GRAMD1C: variants seen among roughly 807,000 people sequenced by gnomAD.
GRAMD1C encodes the protein GRAM domain containing 1C.
GRAMD1C carries 89 observed loss-of-function variants against 97.8 expected under a neutral mutation model. That is an observed-to-expected ratio of 0.91 (90% CI 0.77 to 1.09). GRAMD1C has a LOEUF of 1.09. GRAMD1C is among the 50% of genes least tolerant of loss of function. GRAMD1C has a pLI of 0.00. For synonymous variants in GRAMD1C, 256 were observed against 267.0 expected (o/e 0.96, Z 0.40); for missense variants, 740 against 766.4 (o/e 0.97, Z 0.41).
chr3:113,915,866 T>G, intron 10 of GRAMD1C, 28 bp downstream of exon 10: 1 of 1,535,804 alleles, frequency 6.5e-7, no homozygotes, highest in South Asian at 1.1e-5. Flanking sequence ...TACCTAATGA[T>G]AAATTTGGGA....
Position 113,875,503 on chromosome 3 carries a change from G to C in GRAMD1C, c.279G>C (p.Gln93His), listed in dbSNP as rs904835794. The C allele has an allele frequency of 2.7e-6, 4 of 1,496,590 alleles. No homozygotes were observed. Among genetic ancestry groups the C allele is most frequent in the Non-Finnish European group, 3.7e-6 (4 of 1,071,664 alleles). 92.7% of individuals were successfully genotyped at this position (1,496,590 alleles called of 1,614,324 possible). A position where few individuals can be genotyped will look rare whatever the true frequency, so the allele number is the denominator to read the frequency against. Reference sequence around the variant, plus strand: ...ATATAGATTATGCTTGTGCTCTTCAGAGGGACATTTTGCTTCAGGGACGAC... The same window carrying C: ...ATATAGATTATGCTTGTGCTCTTCACAGGGACATTTTGCTTCAGGGACGAC... Reference protein sequence around the residue: ...RLIADYACALQRDILLQGRLY... With the variant: ...RLIADYACALHRDILLQGRLY... The change falls in exon 4 of 18, where the codon CAG (glutamine) becomes CAC (histidine). Residue 93 changes from glutamine to histidine, a missense_variant. Transcript: ENST00000358160.
chr3:113,886,481 G>A (rs1210462147), intron 6 of GRAMD1C, among the ~76,000 whole-genome samples: 1 of 152,092 alleles, frequency 6.6e-6, no homozygotes, highest in African/African-American at 2.4e-5. Context: ...GTGGGATACT[G>A]GGATTTTGGG....
upstream of GRAMD1C, among the ~76,000 whole-genome samples, chr3:113,837,164 G>GC (rs1336449562): frequency 4.0e-5 from 6 of 148,618 alleles, no homozygotes; most frequent in Non-Finnish European, 7.4e-5. Context: ...TGGAGATGGG[G>GC]CCCCCCTGTT....
chr3:113,832,161 C>G (rs923265326), intron 1 of GRAMD1C, among the ~76,000 whole-genome samples: 1 of 151,960 alleles, frequency 6.6e-6, no homozygotes, highest in East Asian at 1.9e-4. Context: ...CTCAGCCTCA[C>G]GAACTACAGG....
intron 2 of GRAMD1C, 21 bp from the exon 3 acceptor site, chr3:113,869,486 G>T: frequency 8.5e-7 from 1 of 1,174,772 alleles, no homozygotes; most frequent in Non-Finnish European, 1.2e-6. Flanking sequence ...AGACAGAAAT[G>T]TAATCTTTTT....
chr3:113,919,485 TA>T, intron 10 of GRAMD1C: 1 of 527,678 alleles, frequency 1.9e-6, no homozygotes, highest in South Asian at 1.5e-5. Context: ...CATGAATTTA[TA>T]AACCTAATGA....
intron 6 of GRAMD1C, among the ~76,000 whole-genome samples, chr3:113,887,177 G>T (rs1339659917): frequency 7.2e-6 from 1 of 138,258 alleles, no homozygotes; most frequent in Non-Finnish European, 1.5e-5. Flanking sequence ...GACAACCTCC[G>T]TCTCACAGGT....
intron 10 of GRAMD1C, among the ~76,000 whole-genome samples, chr3:113,922,603 T>C (rs1301343399): frequency 6.6e-6 from 1 of 152,196 alleles, no homozygotes; most frequent in Admixed American, 6.5e-5. Flanking sequence ...TGGCTTTATT[T>C]CTGGGCTCTC....
At chr3:113,924,847 T>C (rs1559818433) in intron 10 of GRAMD1C, among the ~76,000 whole-genome samples, 1 of 152,226 alleles carries the variant, frequency 6.6e-6, no homozygotes, top group South Asian at 2.1e-4. Flanking sequence ...CTCAGTGATC[T>C]GTCTAATACT....
chr3:113,917,029 G>T (rs1315960087), intron 10 of GRAMD1C, among the ~76,000 whole-genome samples: 5 of 152,090 alleles, frequency 3.3e-5, no homozygotes, highest in South Asian at 4.1e-4. Context: ...TCAGCTACTT[G>T]GGAGGCTGAG....
rs1938066958 is a variant in GRAMD1C at position 113,946,188 on chromosome 3, G to C, written c.*710G>C. 1 of 152,590 alleles carries C rather than the reference G, an allele frequency of 6.6e-6. No individual in the cohort carries two copies. Among genetic ancestry groups the C allele is most frequent in the Non-Finnish European group, 1.5e-5 (1 of 68,014 alleles). The allele number at this position is 152,590 out of a possible 1,614,324, so 9.5% of individuals were successfully genotyped here. A position where few individuals can be genotyped will look rare whatever the true frequency, so the allele number is the denominator to read the frequency against. ...GTCAAAAGGAAGAACCATCCTCTGA[G>C]TTTTAAAAACCAGAAGGTTATGTTA... On this transcript the variant is annotated 3_prime_UTR_variant, in exon 18 of 18. Coordinates refer to ENST00000358160, the MANE Select transcript of GRAMD1C (RefSeq NM_017577.5).
intron 10 of GRAMD1C, chr3:113,920,044 A>G (rs1240950035): frequency 2.9e-5 from 26 of 907,916 alleles, no homozygotes; most frequent in Admixed American, 6.1e-5. Flanking sequence ...TTTTGAATTT[A>G]GTGTTTGTTG....
chr3:113,852,179 T>TA (rs1336827271), intron 2 of GRAMD1C, among the ~76,000 whole-genome samples: 2 of 152,272 alleles, frequency 1.3e-5, no homozygotes, highest in African/African-American at 2.4e-5. Flanking sequence ...GTTGTACTAT[T>TA]AAAAAAATCC....
At chr3:113,933,083 C>G (rs1011706084) in intron 11 of GRAMD1C, among the ~76,000 whole-genome samples, 1 of 152,112 alleles carries the variant, frequency 6.6e-6, no homozygotes, top group Admixed American at 6.5e-5. Context: ...CGAAGTTTTG[C>G]CATGTTGGCC....
intron 2 of GRAMD1C, among the ~76,000 whole-genome samples, chr3:113,846,360 C>A (rs553567292): frequency 1.3e-5 from 2 of 152,290 alleles, no homozygotes; most frequent in South Asian, 2.1e-4. Context: ...CCCGCCTCGG[C>A]CTCCCAAAGT....
At chr3:113,908,393 A>G (rs1039600355) in intron 8 of GRAMD1C, among the ~76,000 whole-genome samples, 1 of 152,170 alleles carries the variant, frequency 6.6e-6, no homozygotes, top group African/African-American at 2.4e-5. Context: ...TTTAATGCCT[A>G]ATCTCTTAGT....
At chr3:113,891,112 T>C (rs995318896) in intron 6 of GRAMD1C, 3 of 197,842 alleles carry the variant, frequency 1.5e-5, no homozygotes, top group African/African-American at 6.9e-5. Context: ...CTGTTTCAAG[T>C]GGACACTATA....
rs181983246 is a variant in GRAMD1C at position 113,919,729 on chromosome 3, T to G, written c.1090+3891T>G. 7.4e-4 allele frequency: 440 copies of G among 593,726 alleles called. 2 individuals carry two copies. In the African/African-American group the frequency reaches 7.5e-3, roughly 10 times the overall value. 36.8% of individuals were successfully genotyped at this position (593,726 alleles called of 1,614,324 possible). On this transcript the variant is annotated intron_variant, in intron 10 of 17. Transcript: ENST00000358160. ...ACTGTATTAAGATAGAAGTGGGCATTGAAGATTGTCTACATATATAATTTG... is the reference window on the plus strand; with the variant it reads ...ACTGTATTAAGATAGAAGTGGGCATGGAAGATTGTCTACATATATAATTTG...
At chr3:113,839,875 A>G (rs143315722) in intron 1 of GRAMD1C, among the ~76,000 whole-genome samples, 179 of 152,342 alleles carry the variant, frequency 1.2e-3, no homozygotes, top group African/African-American at 4.1e-3. Flanking sequence ...TCAGAGAGAC[A>G]GGAATCTACT....
Sources: allele counts gnomAD v4.1 joint callset (sites outside exome capture counted in the v4.1 genomes callset), GRCh38; gene constraint gnomAD v4.1.1; transcripts MANE v1.5; gene names NCBI Gene and HGNC (gene_info 2026-07-23, HGNC 2026-07-21).